Variants in ESRRG observed in about 807,000 individuals in gnomAD.
ESRRG encodes the protein estrogen related receptor gamma.
A neutral mutation model predicts 44.0 loss-of-function variants in ESRRG; 13 were observed. The observed-to-expected ratio is 0.30, with a 90% CI of 0.19 to 0.47. The LOEUF (loss-of-function observed/expected upper bound fraction) is 0.47. Among genes scored for constraint, ESRRG ranks in the 20% least tolerant of loss-of-function variants. The probability of loss-of-function intolerance (pLI) is 1.00; values close to 1 mark genes in which losing one functional copy is unlikely to be tolerated. For missense variants in ESRRG, 395 were observed against 580.6 expected, an observed-to-expected ratio of 0.68 and a Z score of 3.29; for synonymous variants, 215 against 214.6, an observed-to-expected ratio of 1.00 and a Z score of -0.02.
intron 3 of ESRRG, among the ~76,000 whole-genome samples, chr1:216,623,974 T>A (rs1483108685): frequency 1.3e-5 from 2 of 151,882 alleles, no homozygotes; most frequent in Admixed American, 1.3e-4. Flanking sequence ...TGACTCAAAC[T>A]CTACTAGCCA....
At chr1:217,057,098 C>T (rs1210151049) in intron 1 of ESRRG, among the ~76,000 whole-genome samples, 1 of 152,116 alleles carries the variant, frequency 6.6e-6, no homozygotes, top group African/African-American at 2.4e-5. Flanking sequence ...CGTAAGCCCC[C>T]ACCAGTGAGA....
chr1:217,001,016 T>G (rs1256327536), intron 1 of ESRRG, among the ~76,000 whole-genome samples: 1 of 152,214 alleles, frequency 6.6e-6, no homozygotes, highest in South Asian at 2.1e-4. Flanking sequence ...AAAAGTGATA[T>G]AAGATCATAA....
At chr1:216,805,683 G>A (rs574192783) in intron 2 of ESRRG, among the ~76,000 whole-genome samples, 13 of 151,616 alleles carry the variant, frequency 8.6e-5, no homozygotes, top group South Asian at 8.3e-4. Context: ...TTAGGCTTCC[G>A]CAGTGACAAT....
chr1:216,546,653 T>C (rs557174501), intron 5 of ESRRG, among the ~76,000 whole-genome samples: 242 of 152,072 alleles, frequency 1.6e-3, no homozygotes, highest in African/African-American at 5.5e-3. Context: ...CTACATTTTG[T>C]CAGCCTAAGT....
intron 1 of ESRRG, among the ~76,000 whole-genome samples, chr1:216,960,378 C>G (rs1238407436): frequency 1.3e-5 from 2 of 152,136 alleles, no homozygotes; most frequent in Admixed American, 1.3e-4. Flanking sequence ...GCATTCCTCA[C>G]CAGAAGTAAA....
At chr1:217,050,268 G>A (rs2085671222) in intron 1 of ESRRG, among the ~76,000 whole-genome samples, 1 of 152,186 alleles carries the variant, frequency 6.6e-6, no homozygotes, top group Admixed American at 6.5e-5. Context: ...AGTTGCTGAA[G>A]TAGTAAAATG....
chr1:217,100,683 G>C (rs2092497718), intron 1 of ESRRG, among the ~76,000 whole-genome samples: 1 of 152,186 alleles, frequency 6.6e-6, no homozygotes, highest in Non-Finnish European at 1.5e-5. Context: ...TTACAATCAT[G>C]GCAGAAGGTG....
intron 2 of ESRRG, among the ~76,000 whole-genome samples, chr1:216,872,440 C>CT (rs529504934): frequency 2.0e-5 from 3 of 151,948 alleles, no homozygotes; most frequent in Admixed American, 6.5e-5. Context: ...AATGTTAAAC[C>CT]TTTTTTTTAA....
intron 1 of ESRRG, among the ~76,000 whole-genome samples, chr1:217,028,983 CTTTAA>C (rs1398717923): frequency 6.6e-6 from 1 of 152,090 alleles, no homozygotes; most frequent in Non-Finnish European, 1.5e-5. Flanking sequence ...CCCTCTTTAT[CTTTAA>C]TTTATCTTTA....
chr1:216,582,605 T>C (rs1183122365), intron 3 of ESRRG, among the ~76,000 whole-genome samples: 5 of 152,182 alleles, frequency 3.3e-5, no homozygotes, highest in Non-Finnish European at 7.4e-5. Context: ...TATGCCTGGC[T>C]AATTTTTGTA....
intron 1 of ESRRG, among the ~76,000 whole-genome samples, chr1:217,130,901 T>TA (rs5780970): frequency 8.3e-4 from 126 of 152,128 alleles, no homozygotes; most frequent in African/African-American, 2.9e-3. Context: ...GTCTTTTTTT[T>TA]AACTATTAAG....
upstream of ESRRG, among the ~76,000 whole-genome samples, chr1:217,092,805 TA>T (rs1307885347): frequency 2.0e-5 from 3 of 152,348 alleles, no homozygotes; most frequent in African/African-American, 7.2e-5. Flanking sequence ...TTAATTGACA[TA>T]AAATTGCCTT....
chr1:216,802,177 G>T (rs2094643090), intron 2 of ESRRG, among the ~76,000 whole-genome samples: 1 of 152,082 alleles, frequency 6.6e-6, no homozygotes, highest in Admixed American at 6.6e-5. Context: ...AAAGCCTGAG[G>T]GGTGCTTTTT....
intron 1 of ESRRG, among the ~76,000 whole-genome samples, chr1:217,016,413 AC>A (rs1307909583): frequency 6.6e-6 from 1 of 152,118 alleles, no homozygotes; most frequent in Non-Finnish European, 1.5e-5. Flanking sequence ...CTTCCTCAGA[AC>A]AACACCCTGC....
chr1:216,991,249 G>T (rs763117454), intron 1 of ESRRG, among the ~76,000 whole-genome samples: 28 of 152,084 alleles, frequency 1.8e-4, no homozygotes, highest in Non-Finnish European at 3.7e-4. Flanking sequence ...GCGCCAAAAA[G>T]GTTGGGGACT....
intron 1 of ESRRG, among the ~76,000 whole-genome samples, chr1:217,016,746 G>A (rs1247176387): frequency 2.6e-5 from 4 of 152,132 alleles, no homozygotes; most frequent in Non-Finnish European, 5.9e-5. Flanking sequence ...AAAGCTAGGT[G>A]TTCTGCTATA....
chr1:216,941,987 A>G (rs1481526394), intron 1 of ESRRG, among the ~76,000 whole-genome samples: 1 of 151,992 alleles, frequency 6.6e-6, no homozygotes, highest in Non-Finnish European at 1.5e-5. Context: ...CGATGCTGAG[A>G]TTTGGGCTTC....
At chr1:216,648,075 A>G (rs914146980) in intron 3 of ESRRG, among the ~76,000 whole-genome samples, 22 of 152,260 alleles carry the variant, frequency 1.4e-4, no homozygotes, top group African/African-American at 5.1e-4. Flanking sequence ...GATTTACTAC[A>G]TCATGTTCTC....
chr1:216,509,823 T>C (rs1195400128), intron 6 of ESRRG, among the ~76,000 whole-genome samples: 1 of 152,222 alleles, frequency 6.6e-6, no homozygotes, highest in Non-Finnish European at 1.5e-5. Flanking sequence ...AATTAGACAA[T>C]GATTCAGCTG....
Sources: gnomAD v4.1 joint callset for allele counts (sites outside exome capture counted in the v4.1 genomes callset) on GRCh38, gnomAD v4.1.1 for gene constraint, MANE v1.5 for transcripts, NCBI Gene and HGNC (gene_info 2026-07-23, HGNC 2026-07-21) for gene names.